The following DCC variants were observed in gnomAD, a reference collection of about 807,000 sequenced individuals.
The protein encoded by DCC is netrin receptor DCC.
Under a neutral mutation model 172.5 loss-of-function variants are expected in DCC, and 58 were observed. That is an observed-to-expected ratio of 0.34 (90% CI 0.27 to 0.42). The LOEUF (loss-of-function observed/expected upper bound fraction) is 0.42. Ranked by LOEUF, DCC falls within the 10% of genes least tolerant of loss-of-function variation. The probability of loss-of-function intolerance (pLI) is 1.00; values close to 1 mark genes in which losing one functional copy is unlikely to be tolerated. For missense variants in DCC, 1,740 were observed against 1,791.0 expected (o/e 0.97, Z 0.51); for synonymous variants, 709 against 644.5 (o/e 1.10, Z -1.52).
chr18:52,984,254 T>C (rs1354322740), intron 5 of DCC, among the ~76,000 whole-genome samples: 2 of 152,150 alleles, frequency 1.3e-5, no homozygotes, highest in Non-Finnish European at 2.9e-5. Context: ...AATAAAATTT[T>C]ATAGAAATAG....
intron 25 of DCC, among the ~76,000 whole-genome samples, chr18:53,469,073 A>G (rs1433279254): frequency 2.6e-5 from 4 of 152,054 alleles, no homozygotes; most frequent in Non-Finnish European, 5.9e-5. Flanking sequence ...CTTGCCATCA[A>G]TTCTTCAATC....
At chr18:52,481,032 A>G (rs1434345693) in intron 1 of DCC, among the ~76,000 whole-genome samples, 2 of 152,200 alleles carry the variant, frequency 1.3e-5, no homozygotes, top group Non-Finnish European at 2.9e-5. Context: ...TTTAACAAAG[A>G]TGTCCTTGAA....
intron 5 of DCC, among the ~76,000 whole-genome samples, chr18:53,026,159 T>A (rs2041952802): frequency 6.6e-6 from 1 of 151,986 alleles, no homozygotes; most frequent in Non-Finnish European, 1.5e-5. Flanking sequence ...ATTAGTGTAA[T>A]TTTTTTGGAA....
intron 3 of DCC, among the ~76,000 whole-genome samples, chr18:52,910,550 CTGAT>C (rs2039957640): frequency 6.6e-6 from 1 of 152,070 alleles, no homozygotes; most frequent in Non-Finnish European, 1.5e-5. Flanking sequence ...TTTACAATGT[CTGAT>C]TGTGTGTGAT....
intron 24 of DCC, among the ~76,000 whole-genome samples, chr18:53,464,581 C>G (rs1400665598): frequency 6.6e-6 from 1 of 151,660 alleles, no homozygotes; most frequent in Non-Finnish European, 1.5e-5. Flanking sequence ...TCTTGTTTAA[C>G]TTTTCAATGA....
intron 2 of DCC, among the ~76,000 whole-genome samples, chr18:52,879,412 C>CTTTTTTTTTTTTTTGTTTTTTTTTTTTT (rs2039449141): frequency 1.6e-5 from 1 of 62,356 alleles, no homozygotes; most frequent in Non-Finnish European, 2.9e-5. Context: ...TGTTGTTTGG[C>CTTTTTTTTTTTTTTGTTTTTTTTTTTTT]TTTTTTTTTT....
intron 1 of DCC, among the ~76,000 whole-genome samples, chr18:52,703,215 CA>C (rs1398655624): frequency 6.6e-6 from 1 of 152,150 alleles, no homozygotes; most frequent in Non-Finnish European, 1.5e-5. Context: ...ATGACACTCC[CA>C]CTTAAAAACA....
At chr18:52,759,722 A>G (rs954694109) in intron 2 of DCC, among the ~76,000 whole-genome samples, 1 of 152,244 alleles carries the variant, frequency 6.6e-6, no homozygotes, top group African/African-American at 2.4e-5. Flanking sequence ...GTGAGAGAAA[A>G]TAATGTAATA....
At chr18:52,500,482 A>G (rs772474808) in intron 1 of DCC, among the ~76,000 whole-genome samples, 1 of 152,136 alleles carries the variant, frequency 6.6e-6, no homozygotes, top group Non-Finnish European at 1.5e-5. Context: ...AACAATTAGA[A>G]CCATTGTAAT....
chr18:53,020,762 G>A (rs1008064794), intron 5 of DCC, among the ~76,000 whole-genome samples: 46 of 152,140 alleles, frequency 3.0e-4, no homozygotes, highest in African/African-American at 1.1e-3. Flanking sequence ...TGGTGGATAA[G>A]TCAGAGTCCC....
intron 1 of DCC, among the ~76,000 whole-genome samples, chr18:52,564,646 G>A (rs1208567792): frequency 1.5e-5 from 2 of 136,810 alleles, no homozygotes; most frequent in East Asian, 2.4e-4. Flanking sequence ...CCAGGGTATG[G>A]GATATCTTTT....
chr18:52,975,525 T>C (rs1160979092), intron 5 of DCC, among the ~76,000 whole-genome samples: 1 of 152,144 alleles, frequency 6.6e-6, no homozygotes, highest in Non-Finnish European at 1.5e-5. Flanking sequence ...TTCCACCCTC[T>C]GATAGGCCCC....
chr18:52,918,609 A>T (rs772180547), intron 3 of DCC, among the ~76,000 whole-genome samples: 5 of 152,186 alleles, frequency 3.3e-5, no homozygotes, highest in Non-Finnish European at 7.4e-5. Flanking sequence ...AATACGCAAG[A>T]ATCCAAAGAT....
At chr18:53,377,076 ATCT>A (rs1245284662) in intron 15 of DCC, among the ~76,000 whole-genome samples, 1 of 152,134 alleles carries the variant, frequency 6.6e-6, no homozygotes, top group Non-Finnish European at 1.5e-5. Context: ...CTTGTTGAAA[ATCT>A]TCTTCAACTC....
At chr18:52,661,069 G>A (rs2035349334) in intron 1 of DCC, among the ~76,000 whole-genome samples, 1 of 152,152 alleles carries the variant, frequency 6.6e-6, no homozygotes, top group African/African-American at 2.4e-5. Context: ...ATGGCAGGTA[G>A]CAAAAAGCAA....
intron 3 of DCC, among the ~76,000 whole-genome samples, chr18:52,913,969 A>G (rs773823119): frequency 9.2e-5 from 14 of 152,246 alleles, no homozygotes; most frequent in Admixed American, 2.0e-4. Context: ...CATAAATTAT[A>G]GGCACACCTT....
chr18:53,493,229 G>C (rs552663496), intron 26 of DCC, among the ~76,000 whole-genome samples: 1 of 152,318 alleles, frequency 6.6e-6, no homozygotes, highest in African/African-American at 2.4e-5. Context: ...TTAGGGCTGA[G>C]ATGATGGGGT....
At chr18:53,249,742 C>T (rs1385764590) in intron 12 of DCC, among the ~76,000 whole-genome samples, 5 of 151,904 alleles carry the variant, frequency 3.3e-5, no homozygotes, top group African/African-American at 9.7e-5. Flanking sequence ...TGTTAGATTT[C>T]TTTCTTGGAA....
At chr18:53,028,049 A>G (rs986664218) in intron 5 of DCC, among the ~76,000 whole-genome samples, 1 of 152,168 alleles carries the variant, frequency 6.6e-6, no homozygotes, top group African/African-American at 2.4e-5. Context: ...TCGCATAATG[A>G]CAGGCATATG....
Sources: gnomAD v4.1 joint callset for allele counts (sites outside exome capture counted in the v4.1 genomes callset) on GRCh38, gnomAD v4.1.1 for gene constraint, MANE v1.5 for transcripts, NCBI Gene and HGNC (gene_info 2026-07-23, HGNC 2026-07-21) for gene names.